The following SV2A variants were observed in gnomAD, a reference collection of about 807,000 sequenced individuals.
The protein encoded by SV2A is solute carrier family 22 member B1.
Under a neutral mutation model 78.0 loss-of-function variants are expected in SV2A, and 25 were observed. The ratio of observed to expected loss-of-function variants is 0.32; its 90% CI spans 0.23 to 0.45. The LOEUF is 0.45. SV2A is among the 20% of genes least tolerant of loss of function. The pLI is 1.00. For synonymous variants in SV2A, 355 were observed against 384.7 expected, an observed-to-expected ratio of 0.92 and a Z score of 0.90; for missense variants, 752 against 971.5, an observed-to-expected ratio of 0.77 and a Z score of 3.00.
rs1370714754 is a variant in SV2A, at chr1:149,911,679, C to T, written c.803+121G>A. 9.8e-6 allele frequency: 10 copies of T among 1,016,662 alleles called. No individual in the cohort carries two copies. In the South Asian group the frequency reaches 1.0e-4, roughly 10 times the overall value. 63.0% of individuals were successfully genotyped at this position (1,016,662 alleles called of 1,614,324 possible). A position where few individuals can be genotyped will look rare whatever the true frequency, so the allele number is the denominator to read the frequency against. The stretch of plus-strand genomic sequence containing the variant: ...TGGGGGAGAAAGGAACTCATTCATC[C>T]GTTCAACTCACACAGATTTAAGGTG... On this transcript the variant is annotated intron_variant, in intron 3 of 12. Coordinates refer to ENST00000369146, the MANE Select transcript of SV2A (RefSeq NM_014849.5).
rs1368944717 is a variant in SV2A at position 149,903,590 on chromosome 1, C to A, written c.*1424G>T. On this transcript the variant is annotated 3_prime_UTR_variant, in exon 13 of 13. Coordinates refer to ENST00000369146, the MANE Select transcript of SV2A (RefSeq NM_014849.5). ...ACAGTCACCACCTGGTACAGTGTTA[C>A]AAAATGGGGAGAGTGACCACAGGGT... 1 of 152,264 alleles carries A rather than the reference C, an allele frequency of 6.6e-6. No individual in the cohort carries two copies. The highest frequency in any genetic ancestry group is 2.4e-5 in the African/African-American group (1 of 41,442). The allele number at this position is 152,264 out of a possible 1,614,324, so 9.4% of individuals were successfully genotyped here. A position where few individuals can be genotyped will look rare whatever the true frequency, so the allele number is the denominator to read the frequency against.
intron 12 of SV2A, 147 bp from the exon 13 acceptor site, chr1:149,905,344 T>C (rs1240940813): frequency 1.5e-6 from 1 of 658,028 alleles, no homozygotes; most frequent in Non-Finnish European, 2.5e-6. Flanking sequence ...AGGTAAAGGA[T>C]GTACACCAGG....
Position 149,912,560 on chromosome 1 carries a change from T to C in SV2A, c.623-580A>G, listed in dbSNP as rs1275421665. Among the ~76,000 whole-genome samples, 13 of 152,212 alleles carry C rather than the reference T, an allele frequency of 8.5e-5. No homozygotes were observed. In the South Asian group the frequency reaches 2.5e-3, roughly 29 times the overall value. On this transcript the variant is annotated intron_variant, in intron 2 of 12. Coordinates refer to ENST00000369146, the MANE Select transcript of SV2A (RefSeq NM_014849.5). ...AAATCATCTACTCCAAACTTTGCAT[T>C]TTCCCATGCCCAAACCAAGCCCCAG...
intron 2 of SV2A, 30 bp from the exon 3 acceptor site, chr1:149,912,010 G>C (rs2092478850): frequency 1.2e-6 from 2 of 1,601,442 alleles, no homozygotes; most frequent in Non-Finnish European, 1.7e-6. Flanking sequence ...AGGCAGAGGG[G>C]GTGTGAGCAG....
chr1:149,916,353 A>G (rs184256945), intron 1 of SV2A, among the ~76,000 whole-genome samples: 14 of 152,334 alleles, frequency 9.2e-5, no homozygotes, highest in Non-Finnish European at 1.9e-4. Context: ...AAGAAAGAAG[A>G]CAAATTCTTT....
In SV2A at chr1:149,917,587, A is replaced by ACCACCAAC. The variant is rs2092523649; in HGVS notation, c.-348+144_-348+151dup. On this transcript the variant is annotated intron_variant, in intron 1 of 12. Transcript: ENST00000369146. Reference sequence around the variant, plus strand: ...TGAAATAAATGTCCATCCCCAAACCACCACCAACCCACCAACCCCCCTCAC... The same window carrying ACCACCAAC: ...TGAAATAAATGTCCATCCCCAAACCACCACCAACCCACCAACCCACCAACCCCCCTCAC... 3.3e-5 allele frequency among the ~76,000 whole-genome samples: 5 copies of ACCACCAAC among 151,872 alleles called. No individual in the cohort carries two copies. In the South Asian group the frequency reaches 1.0e-3, roughly 32 times the overall value.
Position 149,909,782 on chromosome 1 carries a change from C to T in SV2A, c.1179+19G>A, listed in dbSNP as rs782318059. On this transcript the variant is annotated intron_variant, in intron 6 of 12. Coordinates refer to ENST00000369146, the MANE Select transcript of SV2A (RefSeq NM_014849.5). ...GGCTGCAGGGCGTGGAGGTCTGAGT[C>T]GGGAGGGCTGTGGCTTACTGAGAAC... 2.1e-5 allele frequency: 34 copies of T among 1,612,682 alleles called. No individual in the cohort carries two copies. Among genetic ancestry groups the T allele is most frequent in the African/African-American group, 5.3e-5 (4 of 74,814 alleles).
In SV2A at chr1:149,917,558, C is replaced by A. The variant is rs587721216; in HGVS notation, c.-348+181G>T. Among the ~76,000 whole-genome samples, 196 of 152,194 alleles carry A rather than the reference C, an allele frequency of 1.3e-3. 1 individual carries two copies. The highest frequency in any genetic ancestry group is 4.6e-3 in the African/African-American group (193 of 41,508). On this transcript the variant is annotated intron_variant, in intron 1 of 12. Transcript: ENST00000369146. ...GTGTGTGTGTGTGTCCTGAAGAGCA[C>A]AACTGAAATAAATGTCCATCCCCAA...
chr1:149,909,918 C>T, intron 5 of SV2A, 28 bp from the exon 6 acceptor site: 1 of 1,609,646 alleles, frequency 6.2e-7, no homozygotes, highest in Non-Finnish European at 8.5e-7. Flanking sequence ...ATCCCCACAT[C>T]CAAGTCAGCC....
Position 149,914,060 on chromosome 1 carries a change from A to T in SV2A, c.-220T>A. 7 of 523,888 alleles carry T rather than the reference A, an allele frequency of 1.3e-5. No homozygotes were observed. The highest frequency in any genetic ancestry group is 1.9e-5 in the Non-Finnish European group (6 of 321,412). The allele number at this position is 523,888 out of a possible 1,614,324, so 32.5% of individuals were successfully genotyped here. On this transcript the variant is annotated 5_prime_UTR_variant, in exon 2 of 13. Coordinates refer to ENST00000369146, the MANE Select transcript of SV2A (RefSeq NM_014849.5). ...AGGAGCTTTGACCTATACCCAGTTC[A>T]GTTGGGTGGATGGGGAAGGGACAGG...
Position 149,910,014 on chromosome 1 carries a change from C to T in SV2A, c.1090-124G>A. ...ACTAAATGGTTCCCAGCCCTCAACC[C>T]CACCACCAAGCCCTGACCTATGGGC... is the stretch of plus-strand genomic sequence containing the variant. On this transcript the variant is annotated intron_variant, in intron 5 of 12. Transcript: ENST00000369146. The surrounding 1 kb of genome is among the most constrained non-coding windows in gnomAD (Gnocchi z 4.2). The T allele has an allele frequency of 1.2e-6, 1 of 851,460 alleles. No individual in the cohort carries two copies. Among genetic ancestry groups the T allele is most frequent in the South Asian group, 1.5e-5 (1 of 65,344 alleles). The allele number at this position is 851,460 out of a possible 1,614,324, so 52.7% of individuals were successfully genotyped here.
At position 149,909,896 on chromosome 1, in the gene SV2A, G is replaced by A. The variant is rs1553763449; in HGVS notation, c.1090-6C>T. On this transcript the variant is annotated splice_polypyrimidine_tract_variant and splice_region_variant and intron_variant, in intron 5 of 12. Transcript: ENST00000369146. ...GCCTCATCATGCTTTCCATTCTAGA[G>A]CCAAAGACACAATCCCCACATCCAA... 3 of 1,613,822 alleles carry A rather than the reference G, an allele frequency of 1.9e-6. No individual in the cohort carries two copies. The highest frequency in any genetic ancestry group is 2.2e-5 in the East Asian group (1 of 44,856).
chr1:149,911,119 A>C, intron 3 of SV2A, 142 bp from the exon 4 acceptor site: 1 of 1,108,786 alleles, frequency 9.0e-7, no homozygotes, highest in Non-Finnish European at 1.2e-6. Context: ...ACAAGCTCCC[A>C]TGTGGGCCAG....
In SV2A at chr1:149,910,533, GCACCCCACCC is replaced by G; in HGVS notation, c.1089+27_1089+36del. 1 of 1,560,442 alleles carries G rather than the reference GCACCCCACCC, an allele frequency of 6.4e-7. No homozygotes were observed. The highest frequency in any genetic ancestry group is 8.7e-7 in the Non-Finnish European group (1 of 1,154,948). ...TGCTGCCGTCCACACTCCACAGCCCGCACCCCACCCCACCCCATGCAGCTCAGCCCCATCA... is the reference window on the plus strand; with the variant it reads ...TGCTGCCGTCCACACTCCACAGCCCGCACCCCATGCAGCTCAGCCCCATCA... On this transcript the variant is annotated intron_variant, in intron 5 of 12. Coordinates refer to ENST00000369146, the MANE Select transcript of SV2A (RefSeq NM_014849.5). The surrounding 1 kb of genome is among the most constrained non-coding windows in gnomAD (Gnocchi z 4.2).
intron 12 of SV2A, 36 bp from the exon 13 acceptor site, chr1:149,905,233 G>T (rs782713027): frequency 1.9e-6 from 3 of 1,566,838 alleles, no homozygotes; most frequent in East Asian, 4.6e-5. Flanking sequence ...ACGGCGCAAG[G>T]TACAGGAGGG....
In SV2A at chr1:149,914,105, G is replaced by A; in HGVS notation, c.-265C>T. The A allele has an allele frequency of 2.5e-6, 1 of 397,516 alleles. No individual in the cohort carries two copies. The highest frequency in any genetic ancestry group is 4.4e-6 in the Non-Finnish European group (1 of 225,160). The allele number at this position is 397,516 out of a possible 1,614,324, so 24.6% of individuals were successfully genotyped here. A position where few individuals can be genotyped will look rare whatever the true frequency, so the allele number is the denominator to read the frequency against. On this transcript the variant is annotated 5_prime_UTR_variant, in exon 2 of 13. Transcript: ENST00000369146. Reference sequence around the variant, plus strand: ...GACAGGGGGAGCAGGGGAATGGGAAGGGGAAGGGGAGCCAGATTGGGAGGC... The same window carrying A: ...GACAGGGGGAGCAGGGGAATGGGAAAGGGAAGGGGAGCCAGATTGGGAGGC...
rs587733466 is a variant in SV2A at position 149,908,334 on chromosome 1, G to A, written c.1380-128C>T. 1.1e-5 allele frequency: 12 copies of A among 1,120,482 alleles called. No individual in the cohort carries two copies. In the South Asian group the frequency reaches 1.5e-4, roughly 14 times the overall value. 69.4% of individuals were successfully genotyped at this position (1,120,482 alleles called of 1,614,324 possible). A position where few individuals can be genotyped will look rare whatever the true frequency, so the allele number is the denominator to read the frequency against. On this transcript the variant is annotated intron_variant, in intron 8 of 12. Coordinates refer to ENST00000369146, the MANE Select transcript of SV2A (RefSeq NM_014849.5). ...CAAGGGAGAAATGGAGTCAACCTCT[G>A]TTAGGACCTTGCTCCTCTCCAGCCT... is the stretch of plus-strand genomic sequence containing the variant.
At chr1:149,905,545 C>G (rs1433199545) in intron 12 of SV2A, 1 of 300,072 alleles carries the variant, frequency 3.3e-6, no homozygotes, top group Non-Finnish European at 6.2e-6. Context: ...GCTCCACCTC[C>G]CGGGTTCAAG....
At position 149,909,488 on chromosome 1, in the gene SV2A, C is replaced by A; in HGVS notation, c.1263G>T (p.Gly421=). Residue 421 remains glycine, a synonymous_variant, in exon 7 of 13, where the codon GGG becomes GGT. Coordinates refer to ENST00000369146, the MANE Select transcript of SV2A (RefSeq NM_014849.5). ...GCCCCCCTAGGCTCAAGGCCCGGAC[C>A]CCCCAGCGCTGGTACCAGGTCCCTG... The part of the protein sequence containing the change: ...SDTGTWYQRW[G]VRALSLGGQV... 1.2e-6 allele frequency: 2 copies of A among 1,613,966 alleles called. No individual in the cohort carries two copies. The highest frequency in any genetic ancestry group is 1.7e-6 in the Non-Finnish European group (2 of 1,179,968).
Sources: allele counts gnomAD v4.1 joint callset (sites outside exome capture counted in the v4.1 genomes callset), GRCh38; gene constraint gnomAD v4.1.1; non-coding constraint Gnocchi (gnomAD v3.1); transcripts MANE v1.5; gene names NCBI Gene and HGNC (gene_info 2026-07-23, HGNC 2026-07-21).